RSPO2: variants seen among roughly 807,000 people sequenced by gnomAD.
RSPO2 encodes the protein R-spondin 2.
Under a neutral mutation model 30.9 loss-of-function variants are expected in RSPO2, and 14 were observed. The observed-to-expected ratio is 0.45, with a 90% CI of 0.30 to 0.71. The LOEUF (loss-of-function observed/expected upper bound fraction) is 0.71, where lower values mean the gene tolerates loss of function less well. Ranked by LOEUF, RSPO2 falls within the 30% of genes least tolerant of loss-of-function variation. The pLI is 0.08. For missense variants in RSPO2, 264 were observed against 301.9 expected (o/e 0.87, Z 0.93); for synonymous variants, 107 against 96.4 (o/e 1.11, Z -0.64).
intron 5 of RSPO2, among the ~76,000 whole-genome samples, chr8:107,904,870 A>C (rs1290813191): frequency 1.3e-5 from 2 of 152,124 alleles, no homozygotes; most frequent in Non-Finnish European, 2.9e-5. Context: ...GAAAGATACT[A>C]TCAAAGCCAC....
chr8:108,073,519 A>G (rs1812918762), intron 2 of RSPO2, among the ~76,000 whole-genome samples: 1 of 152,240 alleles, frequency 6.6e-6, no homozygotes, highest in Admixed American at 6.5e-5. Flanking sequence ...AGTTCTGGCC[A>G]TTCTGTGAAC....
intron 2 of RSPO2, among the ~76,000 whole-genome samples, chr8:108,031,771 C>T (rs866650591): frequency 5.3e-5 from 8 of 152,078 alleles, no homozygotes; most frequent in Middle Eastern, 6.8e-3. Context: ...ACAGGAGATG[C>T]ATCAATCTGC....
chr8:108,038,462 GTTGA>G (rs1586649056), intron 2 of RSPO2, among the ~76,000 whole-genome samples: 1 of 152,174 alleles, frequency 6.6e-6, no homozygotes, highest in Non-Finnish European at 1.5e-5. Context: ...CATAAATGTA[GTTGA>G]TTAATTAAAG....
intron 5 of RSPO2, among the ~76,000 whole-genome samples, chr8:107,953,057 T>C (rs1253861609): frequency 6.6e-6 from 1 of 152,186 alleles, no homozygotes; most frequent in Non-Finnish European, 1.5e-5. Context: ...GAGGCAGCTG[T>C]GAGCAAAAGA....
At chr8:107,908,326 A>G (rs1233447477) in intron 5 of RSPO2, among the ~76,000 whole-genome samples, 4 of 152,200 alleles carry the variant, frequency 2.6e-5, no homozygotes, top group Non-Finnish European at 4.4e-5. Flanking sequence ...GAGAAACACA[A>G]AACAGTTTGA....
chr8:108,017,033 T>C (rs955498286), intron 2 of RSPO2, among the ~76,000 whole-genome samples: 4 of 151,952 alleles, frequency 2.6e-5, no homozygotes, highest in Non-Finnish European at 5.9e-5. Flanking sequence ...TTCTTTTTTT[T>C]TGAGACAGAG....
chr8:107,936,733 G>A (rs1222665035), intron 5 of RSPO2, among the ~76,000 whole-genome samples: 1 of 151,952 alleles, frequency 6.6e-6, no homozygotes, highest in African/African-American at 2.4e-5. Flanking sequence ...ACAAGTACAG[G>A]TCTGATTTGT....
chr8:107,914,790 A>T (rs1811929431), intron 5 of RSPO2, among the ~76,000 whole-genome samples: 1 of 152,184 alleles, frequency 6.6e-6, no homozygotes, highest in Non-Finnish European at 1.5e-5. Flanking sequence ...GTGGGTAATA[A>T]ATTGTAAAGA....
chr8:108,052,231 T>C (rs1471559190), intron 2 of RSPO2, among the ~76,000 whole-genome samples: 1 of 152,180 alleles, frequency 6.6e-6, no homozygotes, highest in Admixed American at 6.6e-5. Context: ...TTTTGTACCT[T>C]AGCTAGCAAA....
chr8:107,975,849 G>A (rs1006478334), intron 3 of RSPO2, among the ~76,000 whole-genome samples: 7 of 152,226 alleles, frequency 4.6e-5, no homozygotes, highest in Admixed American at 3.3e-4. Flanking sequence ...GTCTTGCAAA[G>A]ATGGGTTTTC....
intron 2 of RSPO2, among the ~76,000 whole-genome samples, chr8:108,072,622 G>A (rs1341550086): frequency 6.6e-6 from 1 of 151,172 alleles, no homozygotes; most frequent in Non-Finnish European, 1.5e-5. Context: ...ACAGGCATAA[G>A]CCACCGCGCC....
intron 5 of RSPO2, among the ~76,000 whole-genome samples, chr8:107,951,941 C>T (rs1009986760): frequency 1.2e-4 from 19 of 152,098 alleles, no homozygotes; most frequent in African/African-American, 4.6e-4. Context: ...CAGACCCTTA[C>T]CCTCCAATAT....
At chr8:108,019,032 G>T (rs936532561) in intron 2 of RSPO2, among the ~76,000 whole-genome samples, 13 of 152,080 alleles carry the variant, frequency 8.5e-5, no homozygotes, top group African/African-American at 3.1e-4. Flanking sequence ...AAGCAAACTT[G>T]GTAGAAGATT....
In RSPO2 at chr8:107,925,379, G is replaced by GT. The variant is rs541040370; in HGVS notation, c.617-24190dup. ...CACACAGAACTGACAAAGGATTTGTGTTTTTTTTCTTTTATATATATATTT... is the reference window on the plus strand; with the variant it reads ...CACACAGAACTGACAAAGGATTTGTGTTTTTTTTTCTTTTATATATATATTT... On this transcript the variant is annotated intron_variant, in intron 5 of 5. Transcript: ENST00000276659. Among the ~76,000 whole-genome samples, 13 of 145,306 alleles carry GT rather than the reference G, an allele frequency of 8.9e-5. No individual in the cohort carries two copies. The East Asian group carries it at 1.4e-3, about 15-fold the overall frequency.
intron 2 of RSPO2, among the ~76,000 whole-genome samples, chr8:107,997,898 T>TA (rs1350449086): frequency 2.0e-5 from 3 of 152,220 alleles, no homozygotes; most frequent in Non-Finnish European, 2.9e-5. Context: ...TCCTGACTTT[T>TA]AAAAAAATGT....
chr8:108,048,365 G>A (rs187372443), intron 2 of RSPO2, among the ~76,000 whole-genome samples: 1 of 151,522 alleles, frequency 6.6e-6, no homozygotes, highest in African/African-American at 2.4e-5. Context: ...TAGCATTATA[G>A]CTGCAACTAG....
chr8:108,025,529 A>T (rs909402540), intron 2 of RSPO2, among the ~76,000 whole-genome samples: 2 of 152,054 alleles, frequency 1.3e-5, no homozygotes, highest in Admixed American at 6.6e-5. Flanking sequence ...GGTCTTCCTG[A>T]TTTTTTTATT....
At chr8:107,999,238 G>T (rs1187341725) in intron 2 of RSPO2, among the ~76,000 whole-genome samples, 1 of 151,994 alleles carries the variant, frequency 6.6e-6, no homozygotes, top group Non-Finnish European at 1.5e-5. Context: ...AGGAATAAAA[G>T]ATTGGACATA....
At chr8:107,973,006 C>T (rs2130476057) in intron 3 of RSPO2, among the ~76,000 whole-genome samples, 1 of 152,324 alleles carries the variant, frequency 6.6e-6, no homozygotes, top group South Asian at 2.1e-4. Flanking sequence ...TGCGGTGGCT[C>T]ACGCCTGTAA....
Sources: allele counts gnomAD v4.1 joint callset (sites outside exome capture counted in the v4.1 genomes callset), GRCh38; gene constraint gnomAD v4.1.1; transcripts MANE v1.5; gene names NCBI Gene and HGNC (gene_info 2026-07-23, HGNC 2026-07-21).